Variants in LAMB1 observed in about 807,000 individuals in gnomAD.
LAMB1 encodes the protein laminin subunit beta 1.
A neutral mutation model predicts 222.3 loss-of-function variants in LAMB1; 121 were observed. The observed-to-expected ratio is 0.54, with a 90% CI of 0.47 to 0.63. LAMB1 has a LOEUF of 0.63. LAMB1 is among the 30% of genes least tolerant of loss of function. The pLI, the probability that LAMB1 is intolerant of heterozygous loss-of-function variation, is 0.00. For missense variants in LAMB1, 2,172 were observed against 2,240.8 expected (o/e 0.97, Z 0.62); for synonymous variants, 794 against 807.2 (o/e 0.98, Z 0.28).
rs115559402 is a variant in LAMB1 at position 107,973,085 on chromosome 7, C to G, written c.1483-14G>C. ...CCAGTGCTCTGGCTGCAGAACAAAA[C>G]GTGAAACATGTAACGGTAGGTTTCT... On this transcript the variant is annotated splice_polypyrimidine_tract_variant and intron_variant, in intron 12 of 33. Transcript: ENST00000222399. The G allele has an allele frequency of 6.2e-7, 1 of 1,609,578 alleles. No homozygotes were observed. The highest frequency in any genetic ancestry group is 8.5e-7 in the Non-Finnish European group (1 of 1,176,040).
At chr7:107,926,393 G>A in intron 31 of LAMB1, 34 bp from the exon 32 acceptor site, 9 of 1,589,776 alleles carry the variant, frequency 5.7e-6, no homozygotes, top group Non-Finnish European at 7.8e-6. Flanking sequence ...CAAGACATTA[G>A]TTTAAGAAAT....
intron 20 of LAMB1, among the ~76,000 whole-genome samples, chr7:107,956,278 C>T (rs566811624): frequency 2.0e-5 from 3 of 152,184 alleles, no homozygotes; most frequent in Non-Finnish European, 2.9e-5. Flanking sequence ...GGTGATCTGC[C>T]CACCTCTCTT....
chr7:107,924,979 C>G (rs916784036), intron 32 of LAMB1, among the ~76,000 whole-genome samples: 1 of 152,142 alleles, frequency 6.6e-6, no homozygotes, highest in African/African-American at 2.4e-5. Context: ...TTGTTCCTTT[C>G]TCTTGTGATA....
At chr7:107,979,682 A>G (rs987043974) in intron 8 of LAMB1, among the ~76,000 whole-genome samples, 2 of 152,134 alleles carry the variant, frequency 1.3e-5, no homozygotes, top group Non-Finnish European at 2.9e-5. Flanking sequence ...CAAATGTGGC[A>G]TAAAAGTGGG....
chr7:107,984,228 G>A (rs1426823181), intron 7 of LAMB1, among the ~76,000 whole-genome samples: 1 of 152,000 alleles, frequency 6.6e-6, no homozygotes, highest in Non-Finnish European at 1.5e-5. Context: ...GAGCAGAAGT[G>A]ACGTGTGCAA....
chr7:107,935,614 T>C lies in LAMB1; in HGVS notation c.3989A>G (p.Glu1330Gly), dbSNP rs1330095285. ...SITKYFQMSL[E>G]AEERVNASTT... ...GGAGGCATTCACCCTCTCCTCTGCC[T>C]CAAGAGACATCTGGAAATACTTGGT... Residue 1330 changes from glutamate (E) to glycine (G), a missense_variant, in exon 27 of 34, where the codon GAG (glutamate) becomes GGG (glycine). Transcript: ENST00000222399. 1.9e-6 allele frequency: 3 copies of C among 1,613,828 alleles called. No homozygotes were observed. The highest frequency in any genetic ancestry group is 2.7e-5 in the African/African-American group (2 of 74,848).
chr7:107,967,910 T>C (rs531166787), intron 13 of LAMB1, among the ~76,000 whole-genome samples: 17 of 152,206 alleles, frequency 1.1e-4, no homozygotes, highest in Admixed American at 7.2e-4. Flanking sequence ...GAAGATATGA[T>C]TCATCTGATT....
chr7:107,940,383 C>T (rs762620203), intron 24 of LAMB1, 25 bp from the exon 25 acceptor site: 1 of 1,595,322 alleles, frequency 6.3e-7, no homozygotes. Context: ...GCAATGCTAG[C>T]TGATCTACTT....
At chr7:107,947,246 A>C (rs970014446) in intron 24 of LAMB1, among the ~76,000 whole-genome samples, 1 of 152,194 alleles carries the variant, frequency 6.6e-6, no homozygotes, top group Admixed American at 6.5e-5. Context: ...ACATAACTAC[A>C]TTCTTTTTTT....
At chr7:107,956,309 T>G (rs1247043893) in intron 20 of LAMB1, among the ~76,000 whole-genome samples, 1 of 152,200 alleles carries the variant, frequency 6.6e-6, no homozygotes, top group Non-Finnish European at 1.5e-5. Flanking sequence ...TGTGGAAGAT[T>G]TACTATGGGA....
At chr7:107,995,950 C>G (rs1210813448) in intron 4 of LAMB1, among the ~76,000 whole-genome samples, 1 of 150,502 alleles carries the variant, frequency 6.6e-6, no homozygotes, top group Admixed American at 6.7e-5. Context: ...ATTGAGGGGG[C>G]GGGGGGTGAG....
intron 10 of LAMB1, 78 bp from the exon 11 acceptor site, chr7:107,975,491 C>T (rs1197025931): frequency 9.4e-6 from 13 of 1,389,918 alleles, no homozygotes; most frequent in Non-Finnish European, 1.3e-5. Flanking sequence ...ATATTCCCTT[C>T]CTCCCTCTAA....
At position 107,952,931 on chromosome 7, in the gene LAMB1, A is replaced by ATG. The variant is rs1277683005; in HGVS notation, c.3079+598_3079+599insCA. Among the ~76,000 whole-genome samples the ATG allele has an allele frequency of 3.1e-3, 471 of 152,324 alleles. 1 individual carries two copies. The highest frequency in any genetic ancestry group is 0.011 in the African/African-American group (454 of 41,566). On this transcript the variant is annotated intron_variant, in intron 22 of 33. Coordinates refer to ENST00000222399, the MANE Select transcript of LAMB1 (RefSeq NM_002291.3). Reference sequence around the variant, plus strand: ...ACCAGCAAGTTCATGGGCAGAGCATACCATCAGTACCCTCTACTGGATGCC... The same window carrying ATG: ...ACCAGCAAGTTCATGGGCAGAGCATATGCCATCAGTACCCTCTACTGGATGCC...
intron 9 of LAMB1, among the ~76,000 whole-genome samples, chr7:107,976,887 T>G (rs146118265): frequency 0.017 from 1,312 of 78,488 alleles, 76 homozygotes; most frequent in African/African-American, 0.075. Flanking sequence ...CTCTTGCTCC[T>G]TCCTTCCTTT....
In LAMB1 at chr7:107,935,048, C is replaced by T. The variant is rs371211977; in HGVS notation, c.4188+367G>A. Reference sequence around the variant, plus strand: ...CCTGAGCAATGTAGTGAGACCCTGTCTCTACTTAGGAAAAAAAATATTAAA... The same window carrying T: ...CCTGAGCAATGTAGTGAGACCCTGTTTCTACTTAGGAAAAAAAATATTAAA... On this transcript the variant is annotated intron_variant, in intron 27 of 33. Coordinates refer to ENST00000222399, the MANE Select transcript of LAMB1 (RefSeq NM_002291.3). 2.0e-5 allele frequency among the ~76,000 whole-genome samples: 3 copies of T among 151,954 alleles called. No individual in the cohort carries two copies. The South Asian group carries it at 6.2e-4, about 32-fold the overall frequency.
rs1329572751 is a variant in LAMB1 at position 107,938,104 on chromosome 7, A to AT, written c.3762-828dup. ...ATTTGAGCAGATTTTACCTCTGGGT[A>AT]TTACTGGTTCACCTAATTGAATGTA... On this transcript the variant is annotated intron_variant, in intron 25 of 33. Transcript: ENST00000222399. Among the ~76,000 whole-genome samples the AT allele has an allele frequency of 2.0e-5, 3 of 152,280 alleles. No homozygotes were observed. The East Asian group carries it at 5.8e-4, about 29-fold the overall frequency.
In LAMB1 at chr7:107,986,299, T is replaced by A; in HGVS notation, c.488A>T (p.Tyr163Phe). The A allele has an allele frequency of 3.7e-6, 6 of 1,613,672 alleles. No individual in the cohort carries two copies. The highest frequency in any genetic ancestry group is 5.1e-6 in the Non-Finnish European group (6 of 1,179,622). Residue 163 changes from tyrosine to phenylalanine, a missense_variant, in exon 6 of 34, where the codon TAT becomes TTT. Transcript: ENST00000222399. ...SSDFGKTWGV[Y>F]RYFAYDCEAS... The stretch of plus-strand genomic sequence containing the variant: ...CTCACAGTCATAGGCGAAGTATCTA[T>A]ACACACCCCAGGTTTTCCCAAAGTC...
chr7:107,990,823 G>A (rs939561150), intron 5 of LAMB1, among the ~76,000 whole-genome samples: 2 of 152,128 alleles, frequency 1.3e-5, no homozygotes, highest in Non-Finnish European at 2.9e-5. Context: ...CATGGGATTT[G>A]AAAAAGCTTT....
At chr7:107,977,626 A>G (rs936833939) in intron 9 of LAMB1, among the ~76,000 whole-genome samples, 2 of 152,086 alleles carry the variant, frequency 1.3e-5, no homozygotes, top group African/African-American at 4.8e-5. Flanking sequence ...CTCCTCTACT[A>G]AAATTACAAA....
Sources: allele counts gnomAD v4.1 joint callset (sites outside exome capture counted in the v4.1 genomes callset), GRCh38; gene constraint gnomAD v4.1.1; transcripts MANE v1.5; gene names NCBI Gene and HGNC (gene_info 2026-07-23, HGNC 2026-07-21).